The following SNX25 variants were observed in gnomAD, a reference collection of about 807,000 sequenced individuals.
SNX25 encodes sorting nexin-25.
In SNX25, 62 loss-of-function variants were observed where a neutral mutation model predicts 113.7. The ratio of observed to expected loss-of-function variants is 0.55; its 90% CI spans 0.44 to 0.67. The LOEUF (loss-of-function observed/expected upper bound fraction) is 0.67. Ranked by LOEUF, SNX25 falls within the 30% of genes least tolerant of loss-of-function variation. SNX25 has a pLI of 0.00. For missense variants in SNX25, 1,014 were observed against 1,161.0 expected (o/e 0.87, Z 1.84); for synonymous variants, 421 against 436.2 (o/e 0.97, Z 0.43).
intron 9 of SNX25, among the ~76,000 whole-genome samples, chr4:185,325,437 G>A (rs1210184630): frequency 1.3e-5 from 2 of 149,986 alleles, no homozygotes; most frequent in Admixed American, 1.3e-4. Flanking sequence ...GGAGGCTGAG[G>A]CAGGAGAATC....
intron 2 of SNX25, among the ~76,000 whole-genome samples, chr4:185,249,710 G>A (rs1413706930): frequency 2.0e-5 from 3 of 151,546 alleles, no homozygotes; most frequent in Non-Finnish European, 4.4e-5. Flanking sequence ...TCTCCATTCT[G>A]TAGTTAAGTG....
At chr4:185,259,174 G>T in intron 3 of SNX25, 110 bp downstream of exon 3, 1 of 866,082 alleles carries the variant, frequency 1.2e-6, no homozygotes. Context: ...GCTGGCACTT[G>T]CTTGAAAATG....
intron 1 of SNX25, among the ~76,000 whole-genome samples, chr4:185,240,601 G>A (rs1241506401): frequency 6.6e-6 from 1 of 150,710 alleles, no homozygotes; most frequent in Non-Finnish European, 1.5e-5. Flanking sequence ...GGGCGGCCGG[G>A]CAGAGGCGCC....
intron 1 of SNX25, among the ~76,000 whole-genome samples, chr4:185,241,213 C>T (rs185332354): frequency 0.025 from 3,820 of 152,262 alleles, 138 homozygotes; most frequent in African/African-American, 0.087. Context: ...AACGCGACTC[C>T]GTCTGCCATC....
At chr4:185,270,675 A>G (rs1214328775) in intron 5 of SNX25, among the ~76,000 whole-genome samples, 1 of 151,890 alleles carries the variant, frequency 6.6e-6, no homozygotes, top group Non-Finnish European at 1.5e-5. Context: ...ACTAGCAGTC[A>G]CTCCCCATTC....
intron 6 of SNX25, among the ~76,000 whole-genome samples, chr4:185,289,449 G>A (rs1446585109): frequency 6.6e-6 from 1 of 152,174 alleles, no homozygotes; most frequent in Non-Finnish European, 1.5e-5. Flanking sequence ...AAGCCTGGGG[G>A]TATCTGGAGA....
In SNX25 at chr4:185,343,362, CAGT is replaced by C. The variant is rs2095269927; in HGVS notation, c.2187+1251_2187+1253del. 7.9e-5 allele frequency among the ~76,000 whole-genome samples: 12 copies of C among 152,280 alleles called. No individual in the cohort carries two copies. In the South Asian group the frequency reaches 2.5e-3, roughly 32 times the overall value. ...ACATCATTGTGTTTTTTGGTAGTAG[CAGT>C]AGTAATGAGCATTGTTTCATAGACC... On this transcript the variant is annotated intron_variant, in intron 12 of 18. Coordinates refer to ENST00000652585, the MANE Select transcript of SNX25 (RefSeq NM_001378034.2).
intron 5 of SNX25, among the ~76,000 whole-genome samples, chr4:185,285,260 T>C (rs999605448): frequency 6.6e-6 from 1 of 152,214 alleles, no homozygotes; most frequent in Non-Finnish European, 1.5e-5. Flanking sequence ...ATTATAAATA[T>C]TACTGGCTGG....
chr4:185,353,332 CTG>C (rs1450210606), intron 14 of SNX25, 151 bp from the exon 15 acceptor site: 1 of 583,320 alleles, frequency 1.7e-6, no homozygotes, highest in African/African-American at 1.9e-5. Flanking sequence ...AATCTGTCCT[CTG>C]TGTTGAAAAT....
chr4:185,348,321 AT>A (rs1318305156), intron 13 of SNX25, among the ~76,000 whole-genome samples: 1 of 152,226 alleles, frequency 6.6e-6, no homozygotes, highest in Non-Finnish European at 1.5e-5. Flanking sequence ...CCTTTAAAGA[AT>A]TCTTTAAATT....
intron 13 of SNX25, among the ~76,000 whole-genome samples, chr4:185,347,546 C>A (rs553969645): frequency 6.6e-6 from 1 of 152,220 alleles, no homozygotes; most frequent in East Asian, 1.9e-4. Context: ...TCTTGGCTCA[C>A]CGTAACCTCT....
At chr4:185,301,651 A>G (rs1311597023) in intron 6 of SNX25, among the ~76,000 whole-genome samples, 6 of 152,158 alleles carry the variant, frequency 3.9e-5, no homozygotes, top group African/African-American at 1.2e-4. Flanking sequence ...CAGTGGCACA[A>G]TCTAGGCTCA....
chr4:185,295,612 G>C (rs1752734856), intron 6 of SNX25, among the ~76,000 whole-genome samples: 2 of 152,028 alleles, frequency 1.3e-5, no homozygotes, highest in South Asian at 4.2e-4. Flanking sequence ...ACTGCATCCA[G>C]CTAGTTTTTG....
Position 185,210,008 on chromosome 4 carries a change from T to C in SNX25, c.182T>C (p.Val61Ala). The change falls in exon 1 of 19, where the codon GTG becomes GCG. Residue 61 changes from valine (V) to alanine (A), a missense_variant. Coordinates refer to ENST00000652585, the MANE Select transcript of SNX25 (RefSeq NM_001378034.2). This position sits in a 1 kb window ranked among gnomAD's most constrained non-coding sequence, Gnocchi z 4.4. ...GGCGGCCGGAGCTGGTGGAAGCCCG[T>C]GGCGGTGGCCGCACTCGCCGCCGTG... ...APGGRSWWKPVAVAALAAVAL... is the reference protein window; with the variant it reads ...APGGRSWWKPAAVAALAAVAL... 7 of 983,066 alleles carry C rather than the reference T, an allele frequency of 7.1e-6. No individual in the cohort carries two copies. Among genetic ancestry groups the C allele is most frequent in the Non-Finnish European group, 8.4e-6 (7 of 829,136 alleles). The allele number at this position is 983,066 out of a possible 1,614,324, so 60.9% of individuals were successfully genotyped here. A position where few individuals can be genotyped will look rare whatever the true frequency, so the allele number is the denominator to read the frequency against.
intron 1 of SNX25, among the ~76,000 whole-genome samples, chr4:185,230,154 C>G (rs1042130589): frequency 5.9e-5 from 9 of 152,068 alleles, no homozygotes; most frequent in Non-Finnish European, 8.8e-5. Flanking sequence ...AAAACTACCT[C>G]TCATACATTT....
At chr4:185,238,791 T>C (rs566840530) in intron 1 of SNX25, among the ~76,000 whole-genome samples, 2 of 152,332 alleles carry the variant, frequency 1.3e-5, no homozygotes, top group South Asian at 2.1e-4. Context: ...ATCAAACTTT[T>C]AAATGTATGT....
rs1033555658 is a variant in SNX25 at position 185,210,579 on chromosome 4, G to T, written c.429+324G>T. Among the ~76,000 whole-genome samples the T allele has an allele frequency of 6.6e-6, 1 of 152,138 alleles. No individual in the cohort carries two copies. Among genetic ancestry groups the T allele is most frequent in the African/African-American group, 2.4e-5 (1 of 41,436 alleles). ...CTTCGGTGTCGCTTGCCGTGGGAGG[G>T]GAAGAAGGGAATCACAGCGTTCGCT... On this transcript the variant is annotated intron_variant, in intron 1 of 18. Coordinates refer to ENST00000652585, the MANE Select transcript of SNX25 (RefSeq NM_001378034.2). This position sits in a 1 kb window ranked among gnomAD's most constrained non-coding sequence, Gnocchi z 4.4.
At chr4:185,240,344 C>T (rs543486068) in intron 1 of SNX25, among the ~76,000 whole-genome samples, 184 of 151,270 alleles carry the variant, frequency 1.2e-3, no homozygotes, top group African/African-American at 4.2e-3. Context: ...TAGGGGCGGC[C>T]GGGCAGAGGC....
chr4:185,320,982 T>C, intron 8 of SNX25, 118 bp downstream of exon 8: 1 of 823,570 alleles, frequency 1.2e-6, no homozygotes, highest in Non-Finnish European at 1.7e-6. Flanking sequence ...AAACCAAATA[T>C]AATACTGACA....
Sources: gnomAD v4.1 joint callset for allele counts (sites outside exome capture counted in the v4.1 genomes callset) on GRCh38, gnomAD v4.1.1 for gene constraint, Gnocchi (gnomAD v3.1) non-coding constraint, MANE v1.5 for transcripts, NCBI Gene and HGNC (gene_info 2026-07-23, HGNC 2026-07-21) for gene names.